Variants in PACSIN2 observed in about 807,000 individuals in gnomAD.
PACSIN2 encodes protein kinase C and casein kinase substrate in neurons protein 2.
In PACSIN2, 25 loss-of-function variants were observed where a neutral mutation model predicts 63.8. That is an observed-to-expected ratio of 0.39 (90% CI 0.29 to 0.55). The LOEUF is 0.55. Ranked by LOEUF, PACSIN2 falls within the 20% of genes least tolerant of loss-of-function variation. PACSIN2 has a pLI of 0.62. For missense variants in PACSIN2, 518 were observed against 646.9 expected, an observed-to-expected ratio of 0.80 and a Z score of 2.16; for synonymous variants, 255 against 256.2, an observed-to-expected ratio of 1.00 and a Z score of 0.05.
intron 7 of PACSIN2, among the ~76,000 whole-genome samples, chr22:42,880,903 C>CT (rs1929022415): frequency 3.3e-5 from 5 of 152,224 alleles, no homozygotes; most frequent in Admixed American, 6.5e-5. Context: ...AGCAAATCCT[C>CT]GCTGTGTCTG....
At chr22:42,896,827 G>A (rs529625657) in intron 2 of PACSIN2, among the ~76,000 whole-genome samples, 1 of 152,338 alleles carries the variant, frequency 6.6e-6, no homozygotes, top group South Asian at 2.1e-4. Context: ...TCTACTTAGT[G>A]TAGCAATATT....
At chr22:42,885,167 C>T (rs1929383717) in intron 5 of PACSIN2, among the ~76,000 whole-genome samples, 1 of 152,202 alleles carries the variant, frequency 6.6e-6, no homozygotes, top group South Asian at 2.1e-4. Flanking sequence ...CAGGTGTGGC[C>T]TATCTCAAGA....
intron 1 of PACSIN2, among the ~76,000 whole-genome samples, chr22:43,009,397 G>T (rs1235639712): frequency 6.6e-6 from 1 of 152,224 alleles, no homozygotes; most frequent in Non-Finnish European, 1.5e-5. Flanking sequence ...GCTCAAAGAT[G>T]ACCAGGAAAA....
At chr22:42,911,023 G>A (rs1931417888) in intron 2 of PACSIN2, among the ~76,000 whole-genome samples, 1 of 151,916 alleles carries the variant, frequency 6.6e-6, no homozygotes, top group African/African-American at 2.4e-5. Context: ...TCCTGCCTCA[G>A]CCTCCCAAAT....
chr22:42,875,202 G>A (rs1422620768), intron 10 of PACSIN2, among the ~76,000 whole-genome samples: 1 of 151,362 alleles, frequency 6.6e-6, no homozygotes, highest in Non-Finnish European at 1.5e-5. Flanking sequence ...CTAGGCTAGA[G>A]TACGTGGTAT....
chr22:42,927,882 C>T (rs184438736), intron 1 of PACSIN2, among the ~76,000 whole-genome samples: 3 of 152,286 alleles, frequency 2.0e-5, no homozygotes, highest in East Asian at 1.9e-4. Context: ...CCACCGTGCC[C>T]GGCCTCAGTC....
chr22:43,008,827 C>T (rs1035795986), intron 1 of PACSIN2, among the ~76,000 whole-genome samples: 2 of 152,188 alleles, frequency 1.3e-5, no homozygotes, highest in African/African-American at 4.8e-5. Context: ...GGAATTTTTA[C>T]TTAACATTTA....
chr22:42,972,655 G>A (rs1214655449), intron 1 of PACSIN2, among the ~76,000 whole-genome samples: 1 of 152,148 alleles, frequency 6.6e-6, no homozygotes, highest in Admixed American at 6.5e-5. Flanking sequence ...GTGGCCAAAG[G>A]AGAATTCCAC....
At chr22:43,009,284 T>C (rs1331135575) in intron 1 of PACSIN2, among the ~76,000 whole-genome samples, 1 of 152,164 alleles carries the variant, frequency 6.6e-6, no homozygotes, top group Non-Finnish European at 1.5e-5. Context: ...GGAATATCTA[T>C]TGCCACCTGT....
At chr22:42,921,154 T>TA (rs1183767631) in intron 1 of PACSIN2, among the ~76,000 whole-genome samples, 1 of 151,802 alleles carries the variant, frequency 6.6e-6, no homozygotes, top group African/African-American at 2.4e-5. Context: ...GGTCAGGAGA[T>TA]AGAGACCATC....
chr22:42,887,185 C>T (rs2146659634), intron 5 of PACSIN2, among the ~76,000 whole-genome samples: 1 of 152,340 alleles, frequency 6.6e-6, no homozygotes, highest in East Asian at 1.9e-4. Context: ...GCCCAGATTC[C>T]TGGCTCCAGC....
intron 1 of PACSIN2, among the ~76,000 whole-genome samples, chr22:42,933,422 A>G (rs1018369944): frequency 1.3e-5 from 2 of 152,250 alleles, no homozygotes; most frequent in East Asian, 3.8e-4. Flanking sequence ...AGACCTGCCC[A>G]AAGTGGAAGC....
chr22:42,941,146 G>T (rs1933140691), intron 1 of PACSIN2, among the ~76,000 whole-genome samples: 1 of 152,302 alleles, frequency 6.6e-6, no homozygotes, highest in East Asian at 1.9e-4. Flanking sequence ...ATAACATGTG[G>T]CTCTGGTGAT....
intron 1 of PACSIN2, among the ~76,000 whole-genome samples, chr22:42,964,534 T>G (rs540200058): frequency 6.6e-6 from 1 of 151,830 alleles, no homozygotes; most frequent in African/African-American, 2.4e-5. Context: ...CCTAGCAGGC[T>G]AAAACTAACA....
At chr22:42,898,888 G>A (rs1371980548) in intron 2 of PACSIN2, among the ~76,000 whole-genome samples, 1 of 152,234 alleles carries the variant, frequency 6.6e-6, no homozygotes, top group African/African-American at 2.4e-5. Flanking sequence ...ATCAGGAGCA[G>A]AGAAAGGGGC....
At chr22:42,989,962 G>A (rs1601609080) in intron 1 of PACSIN2, among the ~76,000 whole-genome samples, 1 of 118,262 alleles carries the variant, frequency 8.5e-6, no homozygotes, top group East Asian at 2.6e-4. Context: ...CATTTAAACA[G>A]GTTTAAAAAA....
At chr22:42,939,526 C>T (rs1187897157) in intron 1 of PACSIN2, among the ~76,000 whole-genome samples, 1 of 152,180 alleles carries the variant, frequency 6.6e-6, no homozygotes, top group East Asian at 1.9e-4. Flanking sequence ...CTCCACAGCT[C>T]CTCCCCTCCC....
At chr22:42,918,047 G>A (rs756617812) in intron 1 of PACSIN2, among the ~76,000 whole-genome samples, 21 of 152,182 alleles carry the variant, frequency 1.4e-4, no homozygotes, top group Admixed American at 5.2e-4. Context: ...TGGCAGAATC[G>A]TGGTGAGGGT....
At chr22:42,930,033 G>A (rs779234565) in intron 1 of PACSIN2, among the ~76,000 whole-genome samples, 5 of 152,164 alleles carry the variant, frequency 3.3e-5, no homozygotes, top group Non-Finnish European at 7.3e-5. Flanking sequence ...ACCACATGGA[G>A]TTTATTTTTG....
Sources: gnomAD v4.1 joint callset for allele counts (sites outside exome capture counted in the v4.1 genomes callset) on GRCh38, gnomAD v4.1.1 for gene constraint, MANE v1.5 for transcripts, NCBI Gene and HGNC (gene_info 2026-07-23, HGNC 2026-07-21) for gene names.